TENM2: variants seen among roughly 807,000 people sequenced by gnomAD.
TENM2 encodes teneurin transmembrane protein 2.
In TENM2, 52 loss-of-function variants were observed where a neutral mutation model predicts 245.2. The ratio of observed to expected loss-of-function variants is 0.21; its 90% CI spans 0.17 to 0.27. The LOEUF (loss-of-function observed/expected upper bound fraction) is 0.27, where lower values mean the gene tolerates loss of function less well. Among genes scored for constraint, TENM2 ranks in the 10% least tolerant of loss-of-function variants. The probability of loss-of-function intolerance (pLI) is 1.00; values close to 1 mark genes in which losing one functional copy is unlikely to be tolerated. For synonymous variants in TENM2, 1,363 were observed against 1,438.9 expected, an observed-to-expected ratio of 0.95 and a Z score of 1.19; for missense variants, 3,046 against 3,666.8, an observed-to-expected ratio of 0.83 and a Z score of 4.37.
chr5:167,215,851 T>G, the TENM2 span, among the ~76,000 whole-genome samples: 7 of 152,262 alleles, frequency 4.6e-5, no homozygotes, highest in Non-Finnish European at 8.8e-5. Context: ...TACTTAATAG[T>G]ATTCTATGCT....
chr5:167,624,485 T>C (rs898767466), intron 2 of TENM2, among the ~76,000 whole-genome samples: 2 of 152,106 alleles, frequency 1.3e-5, no homozygotes, highest in African/African-American at 2.4e-5. Flanking sequence ...GGGTGACCCA[T>C]TCCATTATAC....
At chr5:167,465,837 A>G (rs1254988249) in intron 2 of TENM2, among the ~76,000 whole-genome samples, 2 of 147,400 alleles carry the variant, frequency 1.4e-5, no homozygotes, top group Non-Finnish European at 3.0e-5. Flanking sequence ...TCAAAAAAAG[A>G]AAGAAAGAAA....
chr5:167,358,601 T>C (rs1286993583), intron 1 of TENM2, among the ~76,000 whole-genome samples: 3 of 152,006 alleles, frequency 2.0e-5, no homozygotes, highest in Non-Finnish European at 1.5e-5. Flanking sequence ...ATTCTTGATA[T>C]TCTTTTCTAT....
intron 2 of TENM2, among the ~76,000 whole-genome samples, chr5:167,731,967 T>C (rs1760471740): frequency 6.6e-6 from 1 of 152,204 alleles, no homozygotes; most frequent in Admixed American, 6.5e-5. Context: ...TACATGATAA[T>C]ATTGTGAGCA....
intron 7 of TENM2, among the ~76,000 whole-genome samples, chr5:168,073,004 C>T (rs951565022): frequency 7.2e-5 from 11 of 152,184 alleles, no homozygotes; most frequent in African/African-American, 2.7e-4. Flanking sequence ...CCCCATCCTT[C>T]TATGAATATG....
intron 3 of TENM2, among the ~76,000 whole-genome samples, chr5:167,938,308 G>A (rs1279917513): frequency 6.6e-6 from 1 of 152,174 alleles, no homozygotes; most frequent in African/African-American, 2.4e-5. Context: ...TTAGCCTTGG[G>A]AGATAAGGCT....
chr5:167,829,453 T>C (rs1413414669), intron 2 of TENM2, among the ~76,000 whole-genome samples: 1 of 152,222 alleles, frequency 6.6e-6, no homozygotes, highest in Non-Finnish European at 1.5e-5. Flanking sequence ...TGTGTAAACA[T>C]GAAGCAATTT....
At chr5:168,068,835 C>A (rs900700986) in intron 7 of TENM2, among the ~76,000 whole-genome samples, 1 of 90,182 alleles carries the variant, frequency 1.1e-5, no homozygotes, top group African/African-American at 3.6e-5. Context: ...TTTCTGTAAT[C>A]TCTGTGTGTT....
the TENM2 span, among the ~76,000 whole-genome samples, chr5:167,109,375 A>G: frequency 6.6e-6 from 1 of 152,022 alleles, no homozygotes; most frequent in Admixed American, 6.6e-5. Flanking sequence ...TTCTGAAACT[A>G]TTGCTTGTTT....
chr5:167,532,826 G>GTGTATATATATATATATATA (rs1554170577), intron 2 of TENM2, among the ~76,000 whole-genome samples: 1 of 144,516 alleles, frequency 6.9e-6, no homozygotes, highest in African/African-American at 2.6e-5. Flanking sequence ...GTGTGTGTGT[G>GTGTATATATATATATATATA]TATATATATA....
intron 2 of TENM2, among the ~76,000 whole-genome samples, chr5:167,493,381 G>T (rs1470098135): frequency 6.6e-6 from 1 of 152,134 alleles, no homozygotes; most frequent in Non-Finnish European, 1.5e-5. Flanking sequence ...TAATATGCCT[G>T]AGTTCATCCC....
At chr5:167,977,134 C>T (rs1782499145) in intron 4 of TENM2, among the ~76,000 whole-genome samples, 1 of 151,926 alleles carries the variant, frequency 6.6e-6, no homozygotes, top group Non-Finnish European at 1.5e-5. Context: ...AACACATGGA[C>T]ACAAAAAGGG....
chr5:167,273,535 G>A, the TENM2 span, among the ~76,000 whole-genome samples: 1 of 152,070 alleles, frequency 6.6e-6, no homozygotes, highest in African/African-American at 2.4e-5. Context: ...ATTAAAAGAT[G>A]GCTATTCAAC....
intron 2 of TENM2, among the ~76,000 whole-genome samples, chr5:167,505,914 T>C (rs1399840246): frequency 1.3e-5 from 2 of 152,122 alleles, no homozygotes; most frequent in South Asian, 2.1e-4. Context: ...AGCATGGTGG[T>C]TCACACCTGT....
chr5:167,348,106 T>G (rs887637594), intron 1 of TENM2, among the ~76,000 whole-genome samples: 35 of 152,320 alleles, frequency 2.3e-4, no homozygotes, highest in African/African-American at 8.2e-4. Flanking sequence ...TCTATTATAG[T>G]AGTCCTGCTC....
the TENM2 span, among the ~76,000 whole-genome samples, chr5:167,137,198 A>T: frequency 6.6e-6 from 1 of 152,064 alleles, no homozygotes; most frequent in South Asian, 2.1e-4. Flanking sequence ...ACATTGGGGG[A>T]TAGGGCTCAA....
At chr5:167,262,106 T>C in the TENM2 span, among the ~76,000 whole-genome samples, 1 of 152,130 alleles carries the variant, frequency 6.6e-6, no homozygotes, top group Non-Finnish European at 1.5e-5. Context: ...TCCCTTTGGG[T>C]AAGATTATTT....
intron 2 of TENM2, among the ~76,000 whole-genome samples, chr5:167,521,245 A>C (rs1350056933): frequency 6.6e-6 from 1 of 152,192 alleles, no homozygotes; most frequent in African/African-American, 2.4e-5. Context: ...TAAGTGGATT[A>C]TCTGAGATCC....
At chr5:167,943,216 C>A (rs1043961818) in intron 3 of TENM2, among the ~76,000 whole-genome samples, 1 of 152,194 alleles carries the variant, frequency 6.6e-6, no homozygotes, top group Non-Finnish European at 1.5e-5. Flanking sequence ...CTCCAGGAAC[C>A]TTTATCCCAT....
Sources: gnomAD v4.1 joint callset for allele counts (sites outside exome capture counted in the v4.1 genomes callset) on GRCh38, gnomAD v4.1.1 for gene constraint, MANE v1.5 for transcripts, NCBI Gene and HGNC (gene_info 2026-07-23, HGNC 2026-07-21) for gene names.